Variants in NRXN3 observed in about 807,000 individuals in gnomAD.
The protein encoded by NRXN3 is neurexin 3.
In NRXN3, 32 loss-of-function variants were observed where a neutral mutation model predicts 137.6. The ratio of observed to expected loss-of-function variants is 0.23; its 90% CI spans 0.18 to 0.31. The LOEUF (loss-of-function observed/expected upper bound fraction) is 0.31. NRXN3 is among the 10% of genes least tolerant of loss of function. NRXN3 has a pLI of 1.00. For missense variants in NRXN3, 1,574 were observed against 2,062.5 expected (o/e 0.76, Z 4.59); for synonymous variants, 798 against 784.5 (o/e 1.02, Z -0.29).
chr14:79,827,828 G>A (rs1034937710), intron 20 of NRXN3, among the ~76,000 whole-genome samples: 1 of 151,872 alleles, frequency 6.6e-6, no homozygotes, highest in African/African-American at 2.4e-5. Context: ...CCCAGTAGCT[G>A]GGATTACAGG....
At chr14:78,510,477 A>G (rs1351827039) in intron 4 of NRXN3, among the ~76,000 whole-genome samples, 3 of 152,196 alleles carry the variant, frequency 2.0e-5, no homozygotes, top group Non-Finnish European at 2.9e-5. Flanking sequence ...CTACATCCAC[A>G]TATCTCAAAG....
chr14:78,858,409 C>G (rs2152515197), intron 10 of NRXN3, among the ~76,000 whole-genome samples: 1 of 152,164 alleles, frequency 6.6e-6, no homozygotes, highest in African/African-American at 2.4e-5. Flanking sequence ...GGATTTTTAG[C>G]CCGGCAAGCT....
At position 79,732,139 on chromosome 14, in the gene NRXN3, T is replaced by A. The variant is rs188403511; in HGVS notation, c.4014+34202T>A. Among the ~76,000 whole-genome samples, 15 of 152,294 alleles carry A rather than the reference T, an allele frequency of 9.8e-5. No homozygotes were observed. In the South Asian group the frequency reaches 2.1e-3, roughly 21 times the overall value. ...CATAGTATCCTGGTAAACTGGATTT[T>A]TTTTTAAGAGACATGGAGAACACAG... On this transcript the variant is annotated intron_variant, in intron 19 of 20. Transcript: ENST00000335750.
intron 15 of NRXN3, among the ~76,000 whole-genome samples, chr14:79,449,709 G>T (rs1408520073): frequency 6.6e-6 from 1 of 152,150 alleles, no homozygotes; most frequent in East Asian, 1.9e-4. Flanking sequence ...TATAGAATCG[G>T]CCAGGCGCAG....
chr14:79,657,664 C>T (rs995804728), intron 16 of NRXN3, among the ~76,000 whole-genome samples: 2 of 152,112 alleles, frequency 1.3e-5, no homozygotes, highest in South Asian at 2.1e-4. Flanking sequence ...ACAAAAAGAG[C>T]GCAAATTATG....
At chr14:79,033,029 G>C (rs916015646) in intron 15 of NRXN3, among the ~76,000 whole-genome samples, 1 of 151,968 alleles carries the variant, frequency 6.6e-6, no homozygotes, top group Non-Finnish European at 1.5e-5. Flanking sequence ...TCATCCCTTC[G>C]CACTGCCCTT....
At chr14:78,702,128 T>C (rs925670957) in intron 6 of NRXN3, among the ~76,000 whole-genome samples, 1 of 152,176 alleles carries the variant, frequency 6.6e-6, no homozygotes, top group African/African-American at 2.4e-5. Context: ...ACTTCACTGT[T>C]AGAGTTTGAT....
intron 4 of NRXN3, among the ~76,000 whole-genome samples, chr14:78,634,338 C>T (rs2097548689): frequency 6.6e-6 from 1 of 152,178 alleles, no homozygotes; most frequent in African/African-American, 2.4e-5. Context: ...ACCAACTCAA[C>T]TTCATTTCAA....
intron 15 of NRXN3, among the ~76,000 whole-genome samples, chr14:79,168,917 A>G (rs1246259694): frequency 6.6e-6 from 1 of 152,054 alleles, no homozygotes; most frequent in Non-Finnish European, 1.5e-5. Context: ...AAATTCCTCC[A>G]AGTTAAGGGA....
intron 15 of NRXN3, among the ~76,000 whole-genome samples, chr14:79,443,801 C>A (rs2096008637): frequency 6.6e-6 from 1 of 152,178 alleles, no homozygotes; most frequent in South Asian, 2.1e-4. Flanking sequence ...AAGTAAAAGC[C>A]AGATTACTTA....
At chr14:78,469,700 A>G (rs1293723197) in intron 4 of NRXN3, among the ~76,000 whole-genome samples, 1 of 152,184 alleles carries the variant, frequency 6.6e-6, no homozygotes, top group Admixed American at 6.5e-5. Context: ...ATCGCCCTGA[A>G]AAGCTCTATA....
At chr14:79,280,331 C>G in intron 15 of NRXN3, 1 of 1,614,070 alleles carries the variant, frequency 6.2e-7, no homozygotes, top group South Asian at 1.1e-5. Flanking sequence ...CCCTCCTCGC[C>G]GGCCGGCCTG....
At chr14:78,549,228 GT>G (rs2096664022) in intron 4 of NRXN3, among the ~76,000 whole-genome samples, 1 of 152,174 alleles carries the variant, frequency 6.6e-6, no homozygotes, top group South Asian at 2.1e-4. Flanking sequence ...ACTGTTTCAA[GT>G]TTGTACAGGA....
intron 4 of NRXN3, among the ~76,000 whole-genome samples, chr14:78,531,756 T>C (rs1379102196): frequency 6.6e-6 from 1 of 152,184 alleles, no homozygotes; most frequent in African/African-American, 2.4e-5. Flanking sequence ...GGTACTCAAA[T>C]ACTTTTTATT....
chr14:78,728,363 A>G (rs2098497159), intron 8 of NRXN3, among the ~76,000 whole-genome samples: 1 of 152,226 alleles, frequency 6.6e-6, no homozygotes, highest in South Asian at 2.1e-4. Flanking sequence ...CTGTTTAAAA[A>G]GAGATGCTTA....
intron 4 of NRXN3, among the ~76,000 whole-genome samples, chr14:78,374,003 T>C (rs922440535): frequency 6.6e-6 from 1 of 152,210 alleles, no homozygotes; most frequent in African/African-American, 2.4e-5. Flanking sequence ...TTTTGGTTTG[T>C]TTAAAAAAGA....
chr14:78,406,756 G>T (rs977112781), intron 4 of NRXN3, among the ~76,000 whole-genome samples: 2 of 152,176 alleles, frequency 1.3e-5, no homozygotes, highest in African/African-American at 2.4e-5. Context: ...CTACCTTGCT[G>T]CATGCTGATA....
At chr14:79,612,352 A>T (rs2098113475) in intron 16 of NRXN3, among the ~76,000 whole-genome samples, 1 of 152,132 alleles carries the variant, frequency 6.6e-6, no homozygotes, top group East Asian at 1.9e-4. Context: ...TCTGGCTAAC[A>T]CATTTCCAGT....
chr14:78,360,495 C>T (rs1302235650), intron 4 of NRXN3, among the ~76,000 whole-genome samples: 2 of 152,154 alleles, frequency 1.3e-5, no homozygotes, highest in African/African-American at 4.8e-5. Context: ...AAAGCATGAG[C>T]TCTGGAGCCA....
Sources: gnomAD v4.1 joint callset for allele counts (sites outside exome capture counted in the v4.1 genomes callset) on GRCh38, gnomAD v4.1.1 for gene constraint, MANE v1.5 for transcripts, NCBI Gene and HGNC (gene_info 2026-07-23, HGNC 2026-07-21) for gene names.